Variants in PURB observed in about 807,000 individuals in gnomAD.
PURB encodes the protein purine rich element binding protein B.
PURB carries 11 observed loss-of-function variants against 21.1 expected under a neutral mutation model. The observed-to-expected ratio is 0.52, with a 90% CI of 0.33 to 0.86. The LOEUF is 0.86. Ranked by LOEUF, PURB falls within the 40% of genes least tolerant of loss-of-function variation. The probability of loss-of-function intolerance (pLI) is 0.02; values close to 1 mark genes in which losing one functional copy is unlikely to be tolerated. For synonymous variants in PURB, 246 were observed against 210.8 expected, an observed-to-expected ratio of 1.17 and a Z score of -1.45; for missense variants, 357 against 456.5, an observed-to-expected ratio of 0.78 and a Z score of 1.99.
Position 44,885,049 on chromosome 7 carries a change from G to C in PURB, c.300C>G (p.Ser100Arg). 6.4e-7 allele frequency: 1 copy of C among 1,559,982 alleles called. No homozygotes were observed. Among genetic ancestry groups the C allele is most frequent in the Middle Eastern group, 1.7e-4 (1 of 5,956 alleles). The part of the protein sequence containing the change: ...FIEHYAQLGP[S>R]SPEQLAAGAE... ...CGCCAGCCGCCAGCTGCTCGGGGCT[G>C]CTAGGGCCCAGCTGCGCGTAGTGTT... Residue 100 changes from serine (S) to arginine (R), a missense_variant, in exon 1 of 1, where the codon AGC becomes AGG. By Grantham distance (110) the Ser-to-Arg change is moderately radical. Coordinates refer to ENST00000395699, the MANE Select transcript of PURB (RefSeq NM_033224.5).
chr7:44,884,743 G>T lies in PURB; in HGVS notation c.606C>A (p.Gly202=). 1 of 1,611,304 alleles carries T rather than the reference G, an allele frequency of 6.2e-7. No homozygotes were observed. The highest frequency in any genetic ancestry group is 1.1e-5 in the South Asian group (1 of 90,994). Residue 202 remains glycine (G), a synonymous_variant, in exon 1 of 1, where the codon GGC becomes GGA. Transcript: ENST00000395699. ...GGCCCCCGGCGCCGCCTCCCGGGCC[G>T]CCTGCCAGCTCGTCGTCCTCGCCTC... The part of the protein sequence containing the change: ...DYGGEDDELA[G]GPGGGAGGPG...
Position 44,884,529 on chromosome 7 carries a change from G to C in PURB, c.820C>G (p.Arg274Gly), listed in dbSNP as rs750168578. The change falls in exon 1 of 1, where the codon CGG (arginine) becomes GGG (glycine). Residue 274 changes from arginine to glycine, a missense_variant. Arg to Gly is a moderately radical substitution (Grantham distance 125, BLOSUM62 -2). Coordinates refer to ENST00000395699, the MANE Select transcript of PURB (RefSeq NM_033224.5). ...ATTTCTTTCATCTCATCCGCATACC[G>C]GCAAAAGGCGCCTCCGAACTTGCCC... ...AWGKFGGAFC[R>G]YADEMKEIQE... The C allele has an allele frequency of 6.2e-7, 1 of 1,614,042 alleles. No individual in the cohort carries two copies. The highest frequency in any genetic ancestry group is 1.1e-5 in the South Asian group (1 of 91,082).
At position 44,884,384 on chromosome 7, in the gene PURB, G is replaced by C. The variant is rs1450323856; in HGVS notation, c.*26C>G. The C allele has an allele frequency of 6.2e-7, 1 of 1,604,424 alleles. No homozygotes were observed. Among genetic ancestry groups the C allele is most frequent in the Non-Finnish European group, 8.5e-7 (1 of 1,175,808 alleles). On this transcript the variant is annotated 3_prime_UTR_variant, in exon 1 of 1. Coordinates refer to ENST00000395699, the MANE Select transcript of PURB (RefSeq NM_033224.5). ...TAGCCAAGGGGATGGTGGTTGGGTG[G>C]AGGCCTGTAGGGGAAGCTGCCCGTT... is the stretch of plus-strand genomic sequence containing the variant.
rs772376930 is a variant in PURB at position 44,876,495 on chromosome 7, C to T, written c.*7915G>A. ...GGACCCGCCATTTTTACAGACCAGT[C>T]TGAAGCTTCTGACTGTATTCACATT... is the stretch of plus-strand genomic sequence containing the variant. On this transcript the variant is annotated 3_prime_UTR_variant, in exon 1 of 1. Transcript: ENST00000395699. 5.9e-5 allele frequency: 9 copies of T among 152,656 alleles called. No individual in the cohort carries two copies. Among genetic ancestry groups the T allele is most frequent in the Non-Finnish European group, 1.3e-4 (9 of 68,054 alleles). The allele number at this position is 152,656 out of a possible 1,614,324, so 9.5% of individuals were successfully genotyped here. A position where few individuals can be genotyped will look rare whatever the true frequency, so the allele number is the denominator to read the frequency against.
At position 44,884,201 on chromosome 7, in the gene PURB, G is replaced by T; in HGVS notation, c.*209C>A. 7 of 1,201,524 alleles carry T rather than the reference G, an allele frequency of 5.8e-6. No homozygotes were observed. In the South Asian group the frequency reaches 1.0e-4, roughly 17 times the overall value. 74.4% of individuals were successfully genotyped at this position (1,201,524 alleles called of 1,614,324 possible). A position where few individuals can be genotyped will look rare whatever the true frequency, so the allele number is the denominator to read the frequency against. On this transcript the variant is annotated 3_prime_UTR_variant, in exon 1 of 1. Transcript: ENST00000395699. The stretch of plus-strand genomic sequence containing the variant: ...GCTGTTTTCCTCTTTGCAGGTTGCT[G>T]TCAGTTCCTTGGAACTTGACTGCTT...
At position 44,884,719 on chromosome 7, in the gene PURB, G is replaced by T. The variant is rs772781714; in HGVS notation, c.630C>A (p.Gly210=). ...LAGGPGGGAG[G]PGGGLYGELP... ...GCTCTCCATACAGGCCGCCCCCTGG[G>T]CCCCCGGCGCCGCCTCCCGGGCCGC... Residue 210 remains glycine (G), a synonymous_variant, in exon 1 of 1, where the codon GGC becomes GGA. Transcript: ENST00000395699. The T allele has an allele frequency of 1.2e-6, 2 of 1,612,732 alleles. No homozygotes were observed. The highest frequency in any genetic ancestry group is 4.5e-5 in the East Asian group (2 of 44,868).
rs1380114012 is a variant in PURB, at chr7:44,882,419, TGA to T, written c.*1989_*1990del. The T allele has an allele frequency of 1.3e-5, 2 of 152,662 alleles. No homozygotes were observed. Among genetic ancestry groups the T allele is most frequent in the Admixed American group, 1.3e-4 (2 of 15,282 alleles). 9.5% of individuals were successfully genotyped at this position (152,662 alleles called of 1,614,324 possible). A position where few individuals can be genotyped will look rare whatever the true frequency, so the allele number is the denominator to read the frequency against. ...TGTTTAAAAATTCTACTGTGGATGA[TGA>T]GAGTAGAGAAATAGTCTGAAAAGGG... On this transcript the variant is annotated 3_prime_UTR_variant, in exon 1 of 1. Coordinates refer to ENST00000395699, the MANE Select transcript of PURB (RefSeq NM_033224.5).
Position 44,883,366 on chromosome 7 carries a change from T to C in PURB, c.*1044A>G, listed in dbSNP as rs1374594209. ...ACTTTTGTAGGTAATCTTCAAGTTT[T>C]ATGGTTTAAAATCCAGCCAACCAGT... On this transcript the variant is annotated 3_prime_UTR_variant, in exon 1 of 1. Coordinates refer to ENST00000395699, the MANE Select transcript of PURB (RefSeq NM_033224.5). The C allele has an allele frequency of 6.5e-6, 1 of 152,674 alleles. No individual in the cohort carries two copies. The highest frequency in any genetic ancestry group is 1.5e-5 in the Non-Finnish European group (1 of 68,048). The allele number at this position is 152,674 out of a possible 1,614,324, so 9.5% of individuals were successfully genotyped here. A position where few individuals can be genotyped will look rare whatever the true frequency, so the allele number is the denominator to read the frequency against.
chr7:44,885,115 C>T lies in PURB; in HGVS notation c.234G>A (p.Ala78=). ...GCGAGTCGCGGAACTCGGCGGCCAC[C>T]GCCATGGACAGCGTGAGGCGGCTCT... is the stretch of plus-strand genomic sequence containing the variant. The part of the protein sequence containing the change: ...GSKSRLTLSM[A]VAAEFRDSLG... The change falls in exon 1 of 1, where the codon GCG becomes GCA. Residue 78 remains alanine (A), a synonymous_variant. Transcript: ENST00000395699. 6.4e-7 allele frequency: 1 copy of T among 1,570,186 alleles called. No individual in the cohort carries two copies. The highest frequency in any genetic ancestry group is 8.6e-7 in the Non-Finnish European group (1 of 1,164,274).
chr7:44,880,735 G>A lies in PURB; in HGVS notation c.*3675C>T, dbSNP rs1028970806. 3 of 152,606 alleles carry A rather than the reference G, an allele frequency of 2.0e-5. No individual in the cohort carries two copies. Among genetic ancestry groups the A allele is most frequent in the African/African-American group, 4.8e-5 (2 of 41,438 alleles). The allele number at this position is 152,606 out of a possible 1,614,324, so 9.5% of individuals were successfully genotyped here. A position where few individuals can be genotyped will look rare whatever the true frequency, so the allele number is the denominator to read the frequency against. On this transcript the variant is annotated 3_prime_UTR_variant, in exon 1 of 1. Transcript: ENST00000395699. Reference sequence around the variant, plus strand: ...CTGCAATTTACTGCAAAGTAATCCAGAGGTAACAAAGGAAGCAGGAGGTTA... The same window carrying A: ...CTGCAATTTACTGCAAAGTAATCCAAAGGTAACAAAGGAAGCAGGAGGTTA...
At position 44,884,307 on chromosome 7, in the gene PURB, C is replaced by T; in HGVS notation, c.*103G>A. On this transcript the variant is annotated 3_prime_UTR_variant, in exon 1 of 1. Coordinates refer to ENST00000395699, the MANE Select transcript of PURB (RefSeq NM_033224.5). ...TTTTGTTTTTTCCCTCTGCGGCCTC[C>T]CTTGCTCCCTCTCCACTAGCTCACT... The T allele has an allele frequency of 1.3e-6, 2 of 1,523,032 alleles. No individual in the cohort carries two copies. The highest frequency in any genetic ancestry group is 1.7e-6 in the Non-Finnish European group (2 of 1,143,602). 94.3% of individuals were successfully genotyped at this position (1,523,032 alleles called of 1,614,324 possible).
Position 44,884,154 on chromosome 7 carries a change from A to C in PURB, c.*256T>G. ...GTTGAGAAACAACAGAAGCTGAGAC[A>C]ATTTTACGCAGGTGAGGAGATGCTG... On this transcript the variant is annotated 3_prime_UTR_variant, in exon 1 of 1. Transcript: ENST00000395699. The C allele has an allele frequency of 1.3e-6, 1 of 775,018 alleles. No homozygotes were observed. The highest frequency in any genetic ancestry group is 1.9e-6 in the Non-Finnish European group (1 of 514,180). 48.0% of individuals were successfully genotyped at this position (775,018 alleles called of 1,614,324 possible).
At position 44,883,915 on chromosome 7, in the gene PURB, A is replaced by G. The variant is rs938022413; in HGVS notation, c.*495T>C. 1 of 157,108 alleles carries G rather than the reference A, an allele frequency of 6.4e-6. No individual in the cohort carries two copies. The highest frequency in any genetic ancestry group is 2.4e-5 in the African/African-American group (1 of 41,512). 9.7% of individuals were successfully genotyped at this position (157,108 alleles called of 1,614,324 possible). A position where few individuals can be genotyped will look rare whatever the true frequency, so the allele number is the denominator to read the frequency against. On this transcript the variant is annotated 3_prime_UTR_variant, in exon 1 of 1. Transcript: ENST00000395699. Reference sequence around the variant, plus strand: ...AAAGGCCTCTCTTCTCAAGGATTCCATGAAGACCTAGATCCAAAATGCTGA... The same window carrying G: ...AAAGGCCTCTCTTCTCAAGGATTCCGTGAAGACCTAGATCCAAAATGCTGA...
In PURB at chr7:44,884,275, T is replaced by C. The variant is rs1234219523; in HGVS notation, c.*135A>G. 6.8e-7 allele frequency: 1 copy of C among 1,459,986 alleles called. No individual in the cohort carries two copies. Among genetic ancestry groups the C allele is most frequent in the African/African-American group, 1.4e-5 (1 of 70,224 alleles). 90.4% of individuals were successfully genotyped at this position (1,459,986 alleles called of 1,614,324 possible). On this transcript the variant is annotated 3_prime_UTR_variant, in exon 1 of 1. Coordinates refer to ENST00000395699, the MANE Select transcript of PURB (RefSeq NM_033224.5). ...CTCTTACGATTATTTCTCTTAACTG[T>C]GTTACGTTTTGTTTTTTCCCTCTGC...
rs1467322239 is a variant in PURB at position 44,880,474 on chromosome 7, A to G, written c.*3936T>C. 6.5e-6 allele frequency: 1 copy of G among 152,674 alleles called. No individual in the cohort carries two copies. Among genetic ancestry groups the G allele is most frequent in the Non-Finnish European group, 1.5e-5 (1 of 68,036 alleles). The allele number at this position is 152,674 out of a possible 1,614,324, so 9.5% of individuals were successfully genotyped here. On this transcript the variant is annotated 3_prime_UTR_variant, in exon 1 of 1. Transcript: ENST00000395699. ...ATTTCATCCACCTCAAGAGCAAGAT[A>G]GATGCAAAGTCACCTTGTGTAGATT...
In PURB at chr7:44,885,103, C is replaced by G. The variant is rs1424386948; in HGVS notation, c.246G>C (p.Glu82Asp). 2 of 1,575,126 alleles carry G rather than the reference C, an allele frequency of 1.3e-6. No homozygotes were observed. Among genetic ancestry groups the G allele is most frequent in the East Asian group, 2.4e-5 (1 of 41,638 alleles). ...RLTLSMAVAA[E>D]FRDSLGDFIE... ...TGAAGTCGCCCAGCGAGTCGCGGAA[C>G]TCGGCGGCCACCGCCATGGACAGCG... The change falls in exon 1 of 1, where the codon GAG (glutamate) becomes GAC (aspartate). Residue 82 changes from glutamate to aspartate, a missense_variant. Coordinates refer to ENST00000395699, the MANE Select transcript of PURB (RefSeq NM_033224.5).
rs1360975243 is a variant in PURB at position 44,876,563 on chromosome 7, T to C, written c.*7847A>G. The C allele has an allele frequency of 6.6e-6, 1 of 152,654 alleles. No homozygotes were observed. 9.5% of individuals were successfully genotyped at this position (152,654 alleles called of 1,614,324 possible). On this transcript the variant is annotated 3_prime_UTR_variant, in exon 1 of 1. Transcript: ENST00000395699. Reference sequence around the variant, plus strand: ...CTGCTCCTCTCAAAATTGATCAGAATCTGAGCTTCAACCTACAGGCAGTGA... The same window carrying C: ...CTGCTCCTCTCAAAATTGATCAGAACCTGAGCTTCAACCTACAGGCAGTGA...
chr7:44,884,494 T>C lies in PURB; in HGVS notation c.855A>G (p.Arg285=). Residue 285 remains arginine (R), a synonymous_variant, in exon 1 of 1, where the codon CGA becomes CGG. Transcript: ENST00000395699. ...GTCGCTCATAAAGCTTATCCCTCTGTCGTTCCTGGATTTCTTTCATCTCAT... is the reference window on the plus strand; with the variant it reads ...GTCGCTCATAAAGCTTATCCCTCTGCCGTTCCTGGATTTCTTTCATCTCAT... The part of the protein sequence containing the change: ...YADEMKEIQE[R]QRDKLYERRG... The C allele has an allele frequency of 1.2e-6, 2 of 1,613,996 alleles. No homozygotes were observed. Among genetic ancestry groups the C allele is most frequent in the Non-Finnish European group, 1.7e-6 (2 of 1,179,998 alleles).
rs775837029 is a variant in PURB, at chr7:44,885,284, G to A, written c.65C>T (p.Ala22Val). 40 of 1,533,164 alleles carry A rather than the reference G, an allele frequency of 2.6e-5. No individual in the cohort carries two copies. The highest frequency in any genetic ancestry group is 3.4e-5 in the Non-Finnish European group (39 of 1,150,964). The allele number at this position is 1,533,164 out of a possible 1,614,324, so 95.0% of individuals were successfully genotyped here. A position where few individuals can be genotyped will look rare whatever the true frequency, so the allele number is the denominator to read the frequency against. ...CTCTTGCTCGCCGCCGCCGCGGGAC[G>A]CGGGCTGGAACCCGCACGGCCCACC... ...GGGGPCGFQP[A>V]SRGGGEQETQ... Residue 22 changes from alanine (A) to valine (V), a missense_variant, in exon 1 of 1, where the codon GCG (alanine) becomes GTG (valine). Transcript: ENST00000395699.
Sources: allele counts gnomAD v4.1 joint callset, GRCh38; gene constraint gnomAD v4.1.1; transcripts MANE v1.5; gene names NCBI Gene and HGNC (gene_info 2026-07-23, HGNC 2026-07-21).